HIBADH: variants seen among roughly 807,000 people sequenced by gnomAD.
HIBADH encodes 3-hydroxyisobutyrate dehydrogenase, also known as 3-hydroxyisobutyrate dehydrogenase, mitochondrial.
HIBADH carries 25 observed loss-of-function variants against 36.1 expected under a neutral mutation model. The ratio of observed to expected loss-of-function variants is 0.69; its 90% CI spans 0.50 to 0.97. The LOEUF (loss-of-function observed/expected upper bound fraction) is 0.97, where lower values mean the gene tolerates loss of function less well. Among genes scored for constraint, HIBADH ranks in the 50% least tolerant of loss-of-function variants. The pLI, the probability that HIBADH is intolerant of heterozygous loss-of-function variation, is 0.00. For synonymous variants in HIBADH, 160 were observed against 149.5 expected (o/e 1.07, Z -0.51); for missense variants, 421 against 418.0 (o/e 1.01, Z -0.06).
At chr7:27,614,606 T>A (rs1002584578) in intron 4 of HIBADH, among the ~76,000 whole-genome samples, 1 of 152,212 alleles carries the variant, frequency 6.6e-6, no homozygotes, top group Non-Finnish European at 1.5e-5. Context: ...AACACAGTTG[T>A]CCTTGCAATA....
At position 27,618,958 on chromosome 7, in the gene HIBADH, C is replaced by T. The variant is rs116740994; in HGVS notation, c.484+10413G>A. On this transcript the variant is annotated intron_variant, in intron 4 of 7. Transcript: ENST00000265395. Reference sequence around the variant, plus strand: ...TAAACTTTCATAAGAAATCTGCCCCCGTGACCTCCCACCAGGCTTCACCTC... The same window carrying T: ...TAAACTTTCATAAGAAATCTGCCCCTGTGACCTCCCACCAGGCTTCACCTC... 2.3e-3 allele frequency among the ~76,000 whole-genome samples: 344 copies of T among 152,248 alleles called. 1 individual carries two copies. The highest frequency in any genetic ancestry group is 7.6e-3 in the African/African-American group (317 of 41,546).
At chr7:27,535,474 G>A (rs1360445962) in intron 6 of HIBADH, among the ~76,000 whole-genome samples, 2 of 152,128 alleles carry the variant, frequency 1.3e-5, no homozygotes. Context: ...GGTTGCTGGA[G>A]GAGCCTGGGC....
chr7:27,564,971 A>G (rs1784524281), intron 4 of HIBADH, among the ~76,000 whole-genome samples: 2 of 152,166 alleles, frequency 1.3e-5, no homozygotes, highest in South Asian at 4.1e-4. Flanking sequence ...GCCCTTGCTG[A>G]TCCTGGAGAG....
chr7:27,556,816 T>C (rs1332339722), intron 4 of HIBADH, among the ~76,000 whole-genome samples: 1 of 152,190 alleles, frequency 6.6e-6, no homozygotes, highest in Non-Finnish European at 1.5e-5. Context: ...TGTTCTGATA[T>C]TTATGGAGTC....
intron 4 of HIBADH, among the ~76,000 whole-genome samples, chr7:27,618,046 G>T (rs2128292861): frequency 6.6e-6 from 1 of 152,360 alleles, no homozygotes; most frequent in East Asian, 1.9e-4. Flanking sequence ...TGTGAGAAAT[G>T]ACTCCAAGCC....
chr7:27,556,735 T>G (rs1033796455), intron 4 of HIBADH, among the ~76,000 whole-genome samples: 1 of 152,216 alleles, frequency 6.6e-6, no homozygotes, highest in Non-Finnish European at 1.5e-5. Context: ...TTTGGGGACT[T>G]AACTCTGTCT....
chr7:27,645,368 A>ATGTGTTTTTTTT (rs1554300959), intron 2 of HIBADH, among the ~76,000 whole-genome samples: 1 of 59,652 alleles, frequency 1.7e-5, no homozygotes, highest in African/African-American at 6.3e-5. Flanking sequence ...CATGGTTTTG[A>ATGTGTTTTTTTT]TTTTTTTTTT....
At chr7:27,615,173 A>G (rs1476650654) in intron 4 of HIBADH, among the ~76,000 whole-genome samples, 2 of 152,174 alleles carry the variant, frequency 1.3e-5, no homozygotes, top group Admixed American at 1.3e-4. Flanking sequence ...AATGGATACA[A>G]ATGGAGTTAT....
chr7:27,659,975 G>C (rs1381571477), intron 1 of HIBADH, among the ~76,000 whole-genome samples: 1 of 152,180 alleles, frequency 6.6e-6, no homozygotes, highest in African/African-American at 2.4e-5. Context: ...AAGATCACTT[G>C]AGTACAGGAG....
intron 3 of HIBADH, among the ~76,000 whole-genome samples, chr7:27,631,000 G>A (rs924646711): frequency 2.0e-5 from 3 of 152,074 alleles, no homozygotes; most frequent in Non-Finnish European, 4.4e-5. Context: ...GTATGGAAAT[G>A]ATCCTCACCC....
At chr7:27,626,165 C>G (rs957504894) in intron 4 of HIBADH, among the ~76,000 whole-genome samples, 2 of 148,718 alleles carry the variant, frequency 1.3e-5, no homozygotes, top group African/African-American at 4.9e-5. Flanking sequence ...AGCACCAACC[C>G]CATTTTACAT....
chr7:27,565,375 G>A (rs910519950), intron 4 of HIBADH, among the ~76,000 whole-genome samples: 16 of 152,166 alleles, frequency 1.1e-4, no homozygotes, highest in African/African-American at 3.9e-4. Context: ...CTTGGGAACT[G>A]TAAGTAATAA....
intron 4 of HIBADH, among the ~76,000 whole-genome samples, chr7:27,566,771 C>A (rs1253355903): frequency 6.6e-6 from 1 of 152,064 alleles, no homozygotes; most frequent in Non-Finnish European, 1.5e-5. Context: ...TTTCTAATAT[C>A]CCTTGACATT....
At chr7:27,590,805 G>C (rs1278251300) in intron 4 of HIBADH, among the ~76,000 whole-genome samples, 2 of 152,144 alleles carry the variant, frequency 1.3e-5, no homozygotes, top group African/African-American at 2.4e-5. Context: ...TGAATCATTT[G>C]AATTAGAAAA....
chr7:27,535,064 T>C (rs1005988967), intron 6 of HIBADH, among the ~76,000 whole-genome samples: 1 of 148,586 alleles, frequency 6.7e-6, no homozygotes. Flanking sequence ...GCCAGTACGA[T>C]GGCATTTTAT....
At chr7:27,613,480 C>G (rs906645362) in intron 4 of HIBADH, among the ~76,000 whole-genome samples, 10 of 151,478 alleles carry the variant, frequency 6.6e-5, no homozygotes, top group African/African-American at 2.4e-4. Context: ...AAGGAACTGT[C>G]AAATCTAATT....
At chr7:27,642,611 C>T (rs538704303) in intron 2 of HIBADH, among the ~76,000 whole-genome samples, 6 of 148,296 alleles carry the variant, frequency 4.0e-5, no homozygotes, top group Non-Finnish European at 9.0e-5. Context: ...ATAAATCCTA[C>T]TTATTCTTTC....
intron 4 of HIBADH, among the ~76,000 whole-genome samples, chr7:27,548,415 A>C: frequency 6.6e-6 from 1 of 151,920 alleles, no homozygotes; most frequent in East Asian, 1.9e-4. Context: ...TGGAGAATGG[A>C]GGTGGGGGAA....
intron 4 of HIBADH, among the ~76,000 whole-genome samples, chr7:27,590,629 C>G (rs1784924689): frequency 6.6e-6 from 1 of 152,162 alleles, no homozygotes; most frequent in African/African-American, 2.4e-5. Context: ...CACCACCCAC[C>G]TAATCCCTTT....
Sources: gnomAD v4.1 joint callset for allele counts (sites outside exome capture counted in the v4.1 genomes callset) on GRCh38, gnomAD v4.1.1 for gene constraint, MANE v1.5 for transcripts, NCBI Gene and HGNC (gene_info 2026-07-23, HGNC 2026-07-21) for gene names.